Variants in ITSN2 observed in about 807,000 individuals in gnomAD.
ITSN2 encodes intersectin-2.
A neutral mutation model predicts 243.7 loss-of-function variants in ITSN2; 156 were observed. The observed-to-expected ratio is 0.64, with a 90% confidence interval of 0.56 to 0.73. The LOEUF is 0.73. Among genes scored for constraint, ITSN2 ranks in the 30% least tolerant of loss-of-function variants. ITSN2 has a pLI of 0.00. For missense variants in ITSN2, 1,801 were observed against 1,996.1 expected (o/e 0.90, Z 1.86); for synonymous variants, 703 against 699.9 (o/e 1.00, Z -0.07).
intron 28 of ITSN2, among the ~76,000 whole-genome samples, 178 bp downstream of exon 28, chr2:24,246,619 G>A (rs556339941): frequency 1.8e-4 from 28 of 152,270 alleles, no homozygotes; most frequent in Middle Eastern, 3.4e-3. Context: ...CAGTGAATAA[G>A]CTGGCTGTTC....
At chr2:24,348,285 C>T (rs111707025) in intron 1 of ITSN2, among the ~76,000 whole-genome samples, 1,668 of 149,866 alleles carry the variant, frequency 0.011, 27 homozygotes, top group African/African-American at 0.039. Flanking sequence ...AGCGATTCTC[C>T]TGCCTCAGCC....
intron 1 of ITSN2, among the ~76,000 whole-genome samples, chr2:24,351,862 G>A (rs1307910470): frequency 6.6e-6 from 1 of 152,150 alleles, no homozygotes; most frequent in Non-Finnish European, 1.5e-5. Flanking sequence ...TGCAAGAGTA[G>A]TGAGGCTGGC....
chr2:24,310,989 G>A (rs1683193641), intron 5 of ITSN2, among the ~76,000 whole-genome samples: 1 of 151,900 alleles, frequency 6.6e-6, no homozygotes, highest in Non-Finnish European at 1.5e-5. Flanking sequence ...TCTCCTCAAG[G>A]AAAGAATACA....
Position 24,299,955 on chromosome 2 carries a change from T to C in ITSN2, c.1298A>G (p.Glu433Gly). ...TCTCCTTTCTTCCTCTCGTTGTCTCTCCAATTCCCGTTGCTTCTCTAAGCG... is the reference window on the plus strand; with the variant it reads ...TCTCCTTTCTTCCTCTCGTTGTCTCCCCAATTCCCGTTGCTTCTCTAAGCG... The part of the protein sequence containing the change: ...EKRLEKQREL[E>G]RQREEERRKD... Residue 433 changes from glutamate to glycine, a missense_variant, in exon 12 of 40, where the codon GAG (glutamate) becomes GGG (glycine). By Grantham distance (98) the Glu-to-Gly change is moderately conservative. This residue lies in a region of ITSN2 where 787 missense variants were observed against 803.9 expected (regional missense o/e 0.98). Coordinates refer to ENST00000355123, the MANE Select transcript of ITSN2 (RefSeq NM_006277.3). The C allele has an allele frequency of 6.2e-7, 1 of 1,613,954 alleles. No homozygotes were observed. The highest frequency in any genetic ancestry group is 8.5e-7 in the Non-Finnish European group (1 of 1,179,908).
intron 2 of ITSN2, among the ~76,000 whole-genome samples, chr2:24,326,878 C>G (rs989820337): frequency 8.5e-5 from 13 of 152,214 alleles, no homozygotes; most frequent in African/African-American, 3.1e-4. Context: ...TGATTTGGTC[C>G]TATGTCTGAA....
intron 15 of ITSN2, among the ~76,000 whole-genome samples, chr2:24,291,959 A>G (rs1427643301): frequency 6.6e-6 from 1 of 152,234 alleles, no homozygotes; most frequent in East Asian, 1.9e-4. Context: ...CTATGATTGT[A>G]CCATCCTGGG....
Position 24,308,760 on chromosome 2 carries a change from TA to T in ITSN2, c.654-5del, listed in dbSNP as rs1313843425. The T allele has an allele frequency of 3.6e-6, 5 of 1,372,604 alleles. No individual in the cohort carries two copies. Among genetic ancestry groups the T allele is most frequent in the South Asian group, 2.2e-5 (1 of 46,390 alleles). 85.0% of individuals were successfully genotyped at this position (1,372,604 alleles called of 1,614,324 possible). A position where few individuals can be genotyped will look rare whatever the true frequency, so the allele number is the denominator to read the frequency against. ...TGAAGCAGTCGAGGAAGTTGAGCTA[TA>T]AAAAAATTTATTTAAAATTTTTATG... is the stretch of plus-strand genomic sequence containing the variant. On this transcript the variant is annotated splice_polypyrimidine_tract_variant and splice_region_variant and intron_variant, in intron 7 of 39. Transcript: ENST00000355123.
At chr2:24,257,242 G>C (rs1356972852) in intron 23 of ITSN2, among the ~76,000 whole-genome samples, 1 of 151,970 alleles carries the variant, frequency 6.6e-6, no homozygotes, top group Non-Finnish European at 1.5e-5. Context: ...ATCGCTTAAG[G>C]CTGGGTGGTC....
intron 14 of ITSN2, among the ~76,000 whole-genome samples, chr2:24,294,120 T>C (rs954671837): frequency 1.3e-5 from 2 of 152,120 alleles, no homozygotes; most frequent in African/African-American, 4.8e-5. Flanking sequence ...AGGATGAATA[T>C]GTGTATATCA....
chr2:24,230,752 G>GAAATAAAAATAA (rs1671506424), intron 29 of ITSN2, among the ~76,000 whole-genome samples: 2 of 152,068 alleles, frequency 1.3e-5, no homozygotes, highest in Non-Finnish European at 2.9e-5. Context: ...TGGGCGACAA[G>GAAATAAAAATAA]AGTGAAACTC....
At chr2:24,230,539 G>C (rs1671477301) in intron 29 of ITSN2, among the ~76,000 whole-genome samples, 1 of 152,136 alleles carries the variant, frequency 6.6e-6, no homozygotes, top group Admixed American at 6.5e-5. Context: ...AGGCCGAGGT[G>C]GGTGGATCAC....
intron 24 of ITSN2, among the ~76,000 whole-genome samples, chr2:24,253,210 T>G (rs541161469): frequency 1.3e-5 from 2 of 152,222 alleles, no homozygotes; most frequent in African/African-American, 2.4e-5. Flanking sequence ...TTTATTTATA[T>G]TTGGCCAACA....
intron 8 of ITSN2, among the ~76,000 whole-genome samples, chr2:24,307,984 T>C (rs1052516572): frequency 2.0e-5 from 3 of 152,188 alleles, no homozygotes; most frequent in East Asian, 1.9e-4. Context: ...TAAACACTTA[T>C]TTTACTCGGT....
chr2:24,227,919 C>T (rs1407828028), intron 29 of ITSN2, among the ~76,000 whole-genome samples: 2 of 151,906 alleles, frequency 1.3e-5, no homozygotes, highest in South Asian at 4.2e-4. Flanking sequence ...AAACATAAAA[C>T]GGAAGTTAAG....
At chr2:24,353,552 C>T (rs1035395363) in intron 1 of ITSN2, among the ~76,000 whole-genome samples, 4 of 152,176 alleles carry the variant, frequency 2.6e-5, no homozygotes, top group Non-Finnish European at 4.4e-5. Flanking sequence ...CCCGCCACTG[C>T]ACTCCAGCCT....
At chr2:24,341,732 C>T (rs989883245) in intron 1 of ITSN2, among the ~76,000 whole-genome samples, 4 of 151,966 alleles carry the variant, frequency 2.6e-5, no homozygotes, top group Admixed American at 6.6e-5. Context: ...AAAAATGCGC[C>T]GGGCATGGTG....
rs1683174190 is a variant in ITSN2 at position 24,310,813 on chromosome 2, T to G, written c.353-121A>C. 7.7e-6 allele frequency: 6 copies of G among 783,186 alleles called. No individual in the cohort carries two copies. The Admixed American group carries it at 1.6e-4, about 20-fold the overall frequency. The allele number at this position is 783,186 out of a possible 1,614,324, so 48.5% of individuals were successfully genotyped here. A position where few individuals can be genotyped will look rare whatever the true frequency, so the allele number is the denominator to read the frequency against. On this transcript the variant is annotated intron_variant, in intron 5 of 39. Coordinates refer to ENST00000355123, the MANE Select transcript of ITSN2 (RefSeq NM_006277.3). ...TTTACCAAAACACACAGATGAATTA[T>G]CCTTAAAAAACTCACTACTTTGACC...
At chr2:24,360,585 G>C (rs3731624), upstream of ITSN2, 1 of 152,288 alleles carries the variant, frequency 6.6e-6, no homozygotes, top group Non-Finnish European at 1.5e-5. Context: ...GGCAGCTGAC[G>C]GCCCGCCCGC....
At chr2:24,293,640 G>A in intron 15 of ITSN2, 48 bp downstream of exon 15, 1 of 687,810 alleles carries the variant, frequency 1.5e-6, no homozygotes, top group Non-Finnish European at 2.5e-6. Context: ...GACTGATACA[G>A]TCATTCAGAA....
Sources: gnomAD v4.1 joint callset for allele counts (sites outside exome capture counted in the v4.1 genomes callset) on GRCh38, gnomAD v4.1.1 for gene constraint, gnomAD v4.1.1 regional missense constraint, MANE v1.5 for transcripts, NCBI Gene and HGNC (gene_info 2026-07-23, HGNC 2026-07-21) for gene names.